WDR93: variants seen among roughly 807,000 people sequenced by gnomAD.
WDR93 encodes WD repeat-containing protein 93.
A neutral mutation model predicts 82.9 loss-of-function variants in WDR93; 73 were observed. The ratio of observed to expected loss-of-function variants is 0.88; its 90% CI spans 0.73 to 1.07. The LOEUF is 1.07. Among genes scored for constraint, WDR93 ranks in the 50% least tolerant of loss-of-function variants. The pLI, the probability that WDR93 is intolerant of heterozygous loss-of-function variation, is 0.00. For synonymous variants in WDR93, 283 were observed against 300.1 expected (o/e 0.94, Z 0.59); for missense variants, 738 against 826.0 (o/e 0.89, Z 1.31).
intron 1 of WDR93, among the ~76,000 whole-genome samples, chr15:89,693,421 A>G (rs1377456311): frequency 6.6e-6 from 1 of 152,204 alleles, no homozygotes; most frequent in Non-Finnish European, 1.5e-5. Flanking sequence ...TTCGTGTACA[A>G]GTCTTTGTAT....
chr15:89,738,496 A>G (rs1967391428), intron 16 of WDR93, among the ~76,000 whole-genome samples: 1 of 151,920 alleles, frequency 6.6e-6, no homozygotes, highest in Admixed American at 6.6e-5. Flanking sequence ...GTGTGGTGGT[A>G]CATGCCTGTA....
At chr15:89,699,783 G>C (rs1488267781) in intron 1 of WDR93, among the ~76,000 whole-genome samples, 1 of 152,026 alleles carries the variant, frequency 6.6e-6, no homozygotes, top group Non-Finnish European at 1.5e-5. Flanking sequence ...CCTTGTAGCT[G>C]TGTCTCTAAA....
Position 89,729,243 on chromosome 15 carries a change from T to C in WDR93, c.1123+150T>C, listed in dbSNP as rs1966841400. On this transcript the variant is annotated intron_variant, in intron 10 of 16. Transcript: ENST00000268130. ...TTGGTTGCCAGCTGTAGCCTGTCAG[T>C]TTCTGCTTGCATCTGTGGCCCCTGA... The C allele has an allele frequency of 1.4e-5, 10 of 733,458 alleles. No individual in the cohort carries two copies. In the South Asian group the frequency reaches 1.6e-4, roughly 12 times the overall value. 45.4% of individuals were successfully genotyped at this position (733,458 alleles called of 1,614,324 possible). A position where few individuals can be genotyped will look rare whatever the true frequency, so the allele number is the denominator to read the frequency against.
intron 8 of WDR93, among the ~76,000 whole-genome samples, chr15:89,723,568 TA>T (rs1292242684): frequency 6.6e-6 from 1 of 152,124 alleles, no homozygotes; most frequent in South Asian, 2.1e-4. Flanking sequence ...GTTATTAAGA[TA>T]AAAAATAGAT....
intron 14 of WDR93, 132 bp from the exon 15 acceptor site, chr15:89,737,441 C>A: frequency 1.6e-6 from 2 of 1,241,434 alleles, no homozygotes; most frequent in Non-Finnish European, 2.3e-6. Flanking sequence ...CTGGATGGAT[C>A]CAGAGGCTGG....
chr15:89,696,344 T>C (rs778594740), intron 1 of WDR93, among the ~76,000 whole-genome samples: 6 of 152,260 alleles, frequency 3.9e-5, no homozygotes, highest in Non-Finnish European at 8.8e-5. Flanking sequence ...AGTATTCTAT[T>C]ATATGGATAT....
rs550489261 is a variant in WDR93, at chr15:89,735,390, T to G, written c.1545-100T>G. 46 of 1,265,092 alleles carry G rather than the reference T, an allele frequency of 3.6e-5. No homozygotes were observed. In the East Asian group the frequency reaches 1.1e-3, roughly 29 times the overall value. The allele number at this position is 1,265,092 out of a possible 1,614,324, so 78.4% of individuals were successfully genotyped here. On this transcript the variant is annotated intron_variant, in intron 13 of 16. Coordinates refer to ENST00000268130, the MANE Select transcript of WDR93 (RefSeq NM_020212.2). ...ATGAACAGCCTCCTCACATATTTCT[T>G]GATTTCTCTGAATTTCTCCAGGATA...
rs368092361 is a variant in WDR93 at position 89,733,078 on chromosome 15, C to T, written c.1403C>T (p.Ser468Leu). The part of the protein sequence containing the change: ...CQSIHFLKYF[S>L]VHKGQNMYPE... ...AGCATTCACTTCCTAAAATATTTCT[C>T]GGTCCACAAAGGACAGAATATGTAT... is the stretch of plus-strand genomic sequence containing the variant. Residue 468 changes from serine (S) to leucine (L), a missense_variant, in exon 13 of 17, where the codon TCG (serine) becomes TTG (leucine). Ser to Leu is a moderately radical substitution (Grantham distance 145). Transcript: ENST00000268130. The T allele has an allele frequency of 3.4e-5, 55 of 1,614,052 alleles. No individual in the cohort carries two copies. In the South Asian group the frequency reaches 4.7e-4, roughly 14 times the overall value.
Position 89,702,929 on chromosome 15 carries a change from AT to A in WDR93, c.304-15del. 1 of 1,611,040 alleles carries A rather than the reference AT, an allele frequency of 6.2e-7. No individual in the cohort carries two copies. Among genetic ancestry groups the A allele is most frequent in the South Asian group, 1.1e-5 (1 of 90,604 alleles). The stretch of plus-strand genomic sequence containing the variant: ...GAAGACAGTGACAACTGAAAATAAT[AT>A]TTTTTCTTTGTTTTCCCAGCTCAAC... On this transcript the variant is annotated intron_variant, in intron 2 of 16. Coordinates refer to ENST00000268130, the MANE Select transcript of WDR93 (RefSeq NM_020212.2).
Position 89,722,099 on chromosome 15 carries a change from A to T in WDR93, c.840A>T (p.Pro280=), listed in dbSNP as rs765883463. The change falls in exon 8 of 17, where the codon CCA becomes CCT. Residue 280 remains proline, a synonymous_variant. Coordinates refer to ENST00000268130, the MANE Select transcript of WDR93 (RefSeq NM_020212.2). Reference sequence around the variant, plus strand: ...AAGGAGACATTAAATTGAGTCTTCCAGTTTACATAATGAAGATCAAACCAC... The same window carrying T: ...AAGGAGACATTAAATTGAGTCTTCCTGTTTACATAATGAAGATCAAACCAC... ...SFKGDIKLSL[P]VYIMKIKPPK... The T allele has an allele frequency of 2.5e-6, 4 of 1,609,416 alleles. No individual in the cohort carries two copies. The highest frequency in any genetic ancestry group is 3.4e-6 in the Non-Finnish European group (4 of 1,178,622).
intron 16 of WDR93, among the ~76,000 whole-genome samples, chr15:89,740,827 T>G (rs1967609897): frequency 6.6e-6 from 1 of 152,050 alleles, no homozygotes; most frequent in Non-Finnish European, 1.5e-5. Context: ...GCTGCAAATG[T>G]ATAGATTACT....
Position 89,738,092 on chromosome 15 carries a change from CT to C in WDR93, c.1818del (p.Val607PhefsTer141). The stretch of plus-strand genomic sequence containing the variant: ...ACCGACGATGCTGGAATCCAATATT[CT>C]GTTTTCTATTTTAATTTTGAGGCCT... ...ASTDDAGIQY[S>X]VFYFNFEACP... On this transcript the variant is annotated frameshift_variant, in exon 16 of 17. Coordinates refer to ENST00000268130, the MANE Select transcript of WDR93 (RefSeq NM_020212.2). LOFTEE classifies it high-confidence loss of function. The C allele has an allele frequency of 1.2e-6, 2 of 1,613,762 alleles. No homozygotes were observed. The highest frequency in any genetic ancestry group is 1.7e-6 in the Non-Finnish European group (2 of 1,179,840).
chr15:89,739,302 G>A (rs1967469163), intron 16 of WDR93, among the ~76,000 whole-genome samples: 2 of 152,134 alleles, frequency 1.3e-5, no homozygotes, highest in Non-Finnish European at 2.9e-5. Context: ...CAGGATTGAA[G>A]GCTGCGAAGG....
intron 16 of WDR93, among the ~76,000 whole-genome samples, chr15:89,738,517 C>T (rs191994431): frequency 1.1e-3 from 165 of 151,212 alleles, no homozygotes; most frequent in Admixed American, 2.3e-3. Flanking sequence ...ATCCCAGCTA[C>T]TCGGGAGGCT....
At chr15:89,719,279 C>A in intron 7 of WDR93, among the ~76,000 whole-genome samples, 1 of 152,246 alleles carries the variant, frequency 6.6e-6, no homozygotes. Flanking sequence ...TATAGAAAAA[C>A]ATGTTGCTCA....
intron 7 of WDR93, among the ~76,000 whole-genome samples, chr15:89,717,662 C>G (rs1046288070): frequency 1.2e-4 from 18 of 152,222 alleles, no homozygotes; most frequent in African/African-American, 4.3e-4. Flanking sequence ...TAACCATAAT[C>G]ACTTAATTCC....
rs778121376 is a variant in WDR93, at chr15:89,737,692, T to C, written c.1728T>C (p.Phe576=). ...FPLEVPWKPV[F]AVSPDHPCFL... The stretch of plus-strand genomic sequence containing the variant: ...TGGAGGTCCCCTGGAAGCCAGTGTT[T>C]GCTGTGTCTCCAGACCATCCATGTT... The change falls in exon 15 of 17, where the codon TTT becomes TTC. Residue 576 remains phenylalanine (F), a synonymous_variant. Transcript: ENST00000268130. 3.7e-6 allele frequency: 6 copies of C among 1,614,088 alleles called. No homozygotes were observed. The highest frequency in any genetic ancestry group is 2.5e-6 in the Non-Finnish European group (3 of 1,180,024).
At chr15:89,705,743 G>T (rs1197007400) in intron 4 of WDR93, 125 bp downstream of exon 4, 2 of 690,864 alleles carry the variant, frequency 2.9e-6, no homozygotes, top group Non-Finnish European at 5.1e-6. Flanking sequence ...TGGCCAGAGA[G>T]CCTCCTCCAA....
chr15:89,727,074 C>G (rs917432302), intron 8 of WDR93, 83 bp from the exon 9 acceptor site: 7 of 1,466,194 alleles, frequency 4.8e-6, no homozygotes, highest in Non-Finnish European at 6.6e-6. Context: ...CTGCAGGAAG[C>G]TGGGAAGAGT....
Sources: allele counts gnomAD v4.1 joint callset (sites outside exome capture counted in the v4.1 genomes callset), GRCh38; gene constraint gnomAD v4.1.1; transcripts MANE v1.5; gene names NCBI Gene and HGNC (gene_info 2026-07-23, HGNC 2026-07-21).